KNDC1: variants seen among roughly 807,000 people sequenced by gnomAD.
The protein encoded by KNDC1 is kinase non-catalytic C-lobe domain containing 1, also known as kinase non-catalytic C-lobe domain-containing protein 1.
KNDC1 carries 106 observed loss-of-function variants against 172.8 expected under a neutral mutation model. The observed-to-expected ratio is 0.61, with a 90% CI of 0.52 to 0.72. KNDC1 has a LOEUF of 0.72. Among genes scored for constraint, KNDC1 ranks in the 30% least tolerant of loss-of-function variants. The probability of loss-of-function intolerance (pLI) is 0.00; values close to 1 mark genes in which losing one functional copy is unlikely to be tolerated. For synonymous variants in KNDC1, 1,083 were observed against 1,062.2 expected, an observed-to-expected ratio of 1.02 and a Z score of -0.38; for missense variants, 2,325 against 2,394.5, an observed-to-expected ratio of 0.97 and a Z score of 0.61.
rs753157053 is a variant in KNDC1 at position 133,212,839 on chromosome 10, G to A, written c.4360G>A (p.Ala1454Thr). 8.1e-6 allele frequency: 13 copies of A among 1,613,856 alleles called. No homozygotes were observed. Among genetic ancestry groups the A allele is most frequent in the South Asian group, 5.5e-5 (5 of 91,088 alleles). ...CCTCGAGGACTTCTACGGCCCCTGC[G>A]CCAAGACCAGTGAGAAGGGGCCCTA... ...CFLEDFYGPC[A>T]KTSEKGPYFL... is the part of the protein sequence containing the mutation. The change falls in exon 24 of 30, where the codon GCC becomes ACC. Residue 1454 changes from alanine to threonine, a missense_variant. Physicochemically the swap from Ala to Thr is moderately conservative, Grantham distance 58. Coordinates refer to ENST00000304613, the MANE Select transcript of KNDC1 (RefSeq NM_152643.8).
chr10:133,187,281 G>A (rs1489062216), intron 6 of KNDC1, among the ~76,000 whole-genome samples: 5 of 152,264 alleles, frequency 3.3e-5, no homozygotes, highest in Non-Finnish European at 7.3e-5. Flanking sequence ...CCTCACGAGG[G>A]ATGGAGGATG....
intron 1 of KNDC1, among the ~76,000 whole-genome samples, chr10:133,164,963 T>C (rs1421688725): frequency 6.6e-6 from 1 of 152,070 alleles, no homozygotes; most frequent in Non-Finnish European, 1.5e-5. Flanking sequence ...CAAGGAGGGC[T>C]AATTCCTCTC....
intron 3 of KNDC1, among the ~76,000 whole-genome samples, chr10:133,169,247 G>T (rs1477946255): frequency 6.6e-6 from 1 of 152,148 alleles, no homozygotes; most frequent in Admixed American, 6.5e-5. Context: ...GATCGCTTGA[G>T]CCCAGGAGTT....
chr10:133,210,460 G>T, intron 20 of KNDC1, 151 bp from the exon 21 acceptor site: 2 of 509,414 alleles, frequency 3.9e-6, no homozygotes, highest in South Asian at 2.7e-5. Flanking sequence ...GGTTATCCAT[G>T]TCCCCCCTTT....
intron 26 of KNDC1, among the ~76,000 whole-genome samples, chr10:133,215,815 TGG>T (rs1845459123): frequency 1.3e-5 from 2 of 152,170 alleles, no homozygotes; most frequent in Non-Finnish European, 2.9e-5. Flanking sequence ...GTCTGCAGGG[TGG>T]GCAAGAGTCG....
intron 15 of KNDC1, 113 bp downstream of exon 15, chr10:133,199,715 C>T (rs1031697348): frequency 1.2e-5 from 15 of 1,236,694 alleles, no homozygotes; most frequent in East Asian, 2.4e-5. Context: ...GCTTCCATCT[C>T]GCTGCTGTCT....
At chr10:133,177,988 TGTG>T (rs945421683) in intron 3 of KNDC1, among the ~76,000 whole-genome samples, 18 of 149,086 alleles carry the variant, frequency 1.2e-4, no homozygotes, top group African/African-American at 4.0e-4. Context: ...GTGTGTGCAG[TGTG>T]GTGTGCATGT....
chr10:133,192,769 A>C (rs1470488244), intron 9 of KNDC1, among the ~76,000 whole-genome samples: 1 of 152,236 alleles, frequency 6.6e-6, no homozygotes, highest in African/African-American at 2.4e-5. Context: ...AAATAGACCA[A>C]AAGAACTGAA....
rs1303045257 is a variant in KNDC1 at position 133,206,778 on chromosome 10, G to A, written c.3481G>A (p.Gly1161Ser). Residue 1161 changes from glycine to serine, a missense_variant and splice_region_variant, in exon 18 of 30, where the codon GGT (glycine) becomes AGT (serine). Gly to Ser is a moderately conservative substitution (Grantham distance 56). Transcript: ENST00000304613. ...KLLQKEKRNK[G>S]SDVKTMLSKL... is the part of the protein sequence containing the mutation. ...CTTACAGAAGGAAAAGAGGAACAAA[G>A]GTAAGGCCCCTGTGGGCACAGGTCC... The A allele has an allele frequency of 6.2e-7, 1 of 1,614,038 alleles. No homozygotes were observed. The highest frequency in any genetic ancestry group is 1.1e-5 in the South Asian group (1 of 91,088).
At chr10:133,180,870 A>G (rs1217484110) in intron 3 of KNDC1, among the ~76,000 whole-genome samples, 1 of 152,256 alleles carries the variant, frequency 6.6e-6, no homozygotes, top group Non-Finnish European at 1.5e-5. Flanking sequence ...ATAATTACAA[A>G]AATGCAAATT....
In KNDC1 at chr10:133,212,758, C is replaced by T. The variant is rs1313283683; in HGVS notation, c.4279C>T (p.Pro1427Ser). Residue 1427 changes from proline to serine, a missense_variant, in exon 24 of 30, where the codon CCG becomes TCG. Physicochemically the swap from Pro to Ser is moderately conservative, Grantham distance 74. Coordinates refer to ENST00000304613, the MANE Select transcript of KNDC1 (RefSeq NM_152643.8). The part of the protein sequence containing the change: ...RLPRGNGLVL[P>S]PHKERPYTIA... ...GCCCCGAGGCAACGGGCTGGTGCTG[C>T]CGCCACACAAGGAGCGCCCCTACAC... 2 of 1,613,716 alleles carry T rather than the reference C, an allele frequency of 1.2e-6. No homozygotes were observed. The highest frequency in any genetic ancestry group is 1.1e-5 in the South Asian group (1 of 91,080).
At chr10:133,216,651 G>A (rs1188651131) in intron 26 of KNDC1, among the ~76,000 whole-genome samples, 6 of 152,276 alleles carry the variant, frequency 3.9e-5, no homozygotes, top group Admixed American at 2.6e-4. Flanking sequence ...CAGCCTAGAC[G>A]ACGGTGCGAG....
intron 1 of KNDC1, among the ~76,000 whole-genome samples, chr10:133,164,528 C>T (rs1445173072): frequency 6.6e-6 from 1 of 152,218 alleles, no homozygotes; most frequent in Non-Finnish European, 1.5e-5. Flanking sequence ...CTGAGGCCGG[C>T]GTTGCTATTC....
chr10:133,218,697 C>G (rs1470184751), intron 26 of KNDC1, 134 bp from the exon 27 acceptor site: 2 of 1,193,494 alleles, frequency 1.7e-6, no homozygotes, highest in Admixed American at 4.2e-5. Flanking sequence ...GTCCACACAG[C>G]CGCTTCCTTT....
In KNDC1 at chr10:133,209,278, T is replaced by TGTG. The variant is rs1845299558; in HGVS notation, c.3795-1332_3795-1330dup. ...GTGGTATGCGGTAGTGTGTGTGTGG[T>TGTG]GTGTGGAGTATAGTGTGTGTGGTGT... is the stretch of plus-strand genomic sequence containing the variant. On this transcript the variant is annotated intron_variant, in intron 20 of 29. Transcript: ENST00000304613. This position sits in a 1 kb window ranked among gnomAD's most constrained non-coding sequence, Gnocchi z 4.9. 6.7e-6 allele frequency among the ~76,000 whole-genome samples: 1 copy of TGTG among 148,972 alleles called. No homozygotes were observed. The highest frequency in any genetic ancestry group is 2.5e-5 in the African/African-American group (1 of 40,344).
At chr10:133,167,619 G>T in intron 2 of KNDC1, 40 bp downstream of exon 2, 2 of 1,540,002 alleles carry the variant, frequency 1.3e-6, no homozygotes, top group Non-Finnish European at 1.8e-6. Flanking sequence ...GCGGGCACGC[G>T]GGGTGGAGGT....
Position 133,213,020 on chromosome 10 carries a change from C to CA in KNDC1, c.4443+99dup, listed in dbSNP as rs976571535. Reference sequence around the variant, plus strand: ...CCCTCAGCGGCTGCTTCCAGAGGAACAGACGGGCAGAGAAGGGGCCAGCTG... The same window carrying CA: ...CCCTCAGCGGCTGCTTCCAGAGGAACAAGACGGGCAGAGAAGGGGCCAGCTG... On this transcript the variant is annotated intron_variant, in intron 24 of 29. Coordinates refer to ENST00000304613, the MANE Select transcript of KNDC1 (RefSeq NM_152643.8). 8 of 1,101,506 alleles carry CA rather than the reference C, an allele frequency of 7.3e-6. No homozygotes were observed. In the African/African-American group the frequency reaches 1.3e-4, roughly 17 times the overall value. The allele number at this position is 1,101,506 out of a possible 1,614,324, so 68.2% of individuals were successfully genotyped here. A position where few individuals can be genotyped will look rare whatever the true frequency, so the allele number is the denominator to read the frequency against.
chr10:133,189,524 G>T lies in KNDC1; in HGVS notation c.1442-74G>T. 3.5e-6 allele frequency: 5 copies of T among 1,444,180 alleles called. No individual in the cohort carries two copies. In the South Asian group the frequency reaches 4.7e-5, roughly 14 times the overall value. 89.5% of individuals were successfully genotyped at this position (1,444,180 alleles called of 1,614,324 possible). A position where few individuals can be genotyped will look rare whatever the true frequency, so the allele number is the denominator to read the frequency against. On this transcript the variant is annotated intron_variant, in intron 7 of 29. Transcript: ENST00000304613. Reference sequence around the variant, plus strand: ...GGCTGCCCGGCCTGACTGAGGCTCCGCAGCTCCTTCCCCCCAGCCAGCCCC... The same window carrying T: ...GGCTGCCCGGCCTGACTGAGGCTCCTCAGCTCCTTCCCCCCAGCCAGCCCC...
In KNDC1 at chr10:133,177,839, A is replaced by G. The variant is rs183920733; in HGVS notation, c.361-5505A>G. On this transcript the variant is annotated intron_variant, in intron 3 of 29. Coordinates refer to ENST00000304613, the MANE Select transcript of KNDC1 (RefSeq NM_152643.8). The stretch of plus-strand genomic sequence containing the variant: ...TGTTTGTGGTGTAATGTGTGCGTGC[A>G]TGCATGTAGTGTGTTGTCATGGGCA... 3.2e-3 allele frequency among the ~76,000 whole-genome samples: 484 copies of G among 151,834 alleles called. 7 individuals carry two copies. Among genetic ancestry groups the G allele is most frequent in the African/African-American group, 0.011 (459 of 41,372 alleles).
Sources: allele counts gnomAD v4.1 joint callset (sites outside exome capture counted in the v4.1 genomes callset), GRCh38; gene constraint gnomAD v4.1.1; non-coding constraint Gnocchi (gnomAD v3.1); transcripts MANE v1.5; gene names NCBI Gene and HGNC (gene_info 2026-07-23, HGNC 2026-07-21).